The following AHCYL2 variants were observed in gnomAD, a reference collection of about 807,000 sequenced individuals.
AHCYL2 encodes the protein adenosylhomocysteinase like 2.
AHCYL2 carries 28 observed loss-of-function variants against 81.4 expected under a neutral mutation model. That is an observed-to-expected ratio of 0.34 (90% confidence interval 0.25 to 0.47). The LOEUF is 0.47. Ranked by LOEUF, AHCYL2 falls within the 20% of genes least tolerant of loss-of-function variation. The pLI, the probability that AHCYL2 is intolerant of heterozygous loss-of-function variation, is 1.00. For synonymous variants in AHCYL2, 272 were observed against 290.2 expected, an observed-to-expected ratio of 0.94 and a Z score of 0.64; for missense variants, 551 against 785.1, an observed-to-expected ratio of 0.70 and a Z score of 3.56.
chr7:129,247,641 C>A (rs919151237), intron 1 of AHCYL2, among the ~76,000 whole-genome samples: 1 of 151,802 alleles, frequency 6.6e-6, no homozygotes, highest in Non-Finnish European at 1.5e-5. Context: ...CATTCTGTCA[C>A]CCAGTTTGGA....
chr7:129,306,769 G>A (rs1797457882), intron 1 of AHCYL2, among the ~76,000 whole-genome samples: 1 of 152,132 alleles, frequency 6.6e-6, no homozygotes. Flanking sequence ...GGACTTGGGT[G>A]TTGAGATCTG....
At chr7:129,402,582 A>G (rs1374055716) in intron 6 of AHCYL2, among the ~76,000 whole-genome samples, 1 of 152,186 alleles carries the variant, frequency 6.6e-6, no homozygotes, top group African/African-American at 2.4e-5. Context: ...CGTGCCTAAC[A>G]ATGTTCTAAG....
At chr7:129,253,226 A>T (rs1795301558) in intron 1 of AHCYL2, among the ~76,000 whole-genome samples, 1 of 151,942 alleles carries the variant, frequency 6.6e-6, no homozygotes. Flanking sequence ...AAGAAGGCAA[A>T]GGTGATAGGT....
Position 129,368,104 on chromosome 7 carries a change from A to G in AHCYL2, c.364-11534A>G. 9.9e-7 allele frequency: 1 copy of G among 1,012,428 alleles called. No homozygotes were observed. Among genetic ancestry groups the G allele is most frequent in the African/African-American group, 1.7e-5 (1 of 58,282 alleles). 62.7% of individuals were successfully genotyped at this position (1,012,428 alleles called of 1,614,324 possible). Reference sequence around the variant, plus strand: ...TCCTGAAGGGTGGGAGAGAATTCACAAGTGCCTCACACACAGGGAAAGAAG... The same window carrying G: ...TCCTGAAGGGTGGGAGAGAATTCACGAGTGCCTCACACACAGGGAAAGAAG... On this transcript the variant is annotated intron_variant, in intron 1 of 16. Coordinates refer to ENST00000325006, the MANE Select transcript of AHCYL2 (RefSeq NM_015328.4). The surrounding 1 kb of genome is among the most constrained non-coding windows in gnomAD (Gnocchi z 4.4).
chr7:129,225,033 A>G lies in AHCYL2; in HGVS notation c.-44A>G. The G allele has an allele frequency of 6.4e-7, 1 of 1,557,992 alleles. No homozygotes were observed. On this transcript the variant is annotated 5_prime_UTR_variant, in exon 1 of 17. Coordinates refer to ENST00000325006, the MANE Select transcript of AHCYL2 (RefSeq NM_015328.4). ...GAGGTGGGAGGCGGGGCCGACCAAG[A>G]GCAGGAGCTGGAGTCTGAGCCGGTG...
chr7:129,264,123 A>G (rs2694570), intron 1 of AHCYL2, among the ~76,000 whole-genome samples: 141,985 of 152,300 alleles, frequency 0.93, 67,005 homozygotes, highest in East Asian at 1. Context: ...CTGGCTTCAC[A>G]CCATTCTCCT....
At chr7:129,238,093 G>A (rs958115064) in intron 1 of AHCYL2, among the ~76,000 whole-genome samples, 4 of 152,126 alleles carry the variant, frequency 2.6e-5, no homozygotes, top group Non-Finnish European at 4.4e-5. Flanking sequence ...AATTTTTCCC[G>A]GGTTAGGTAG....
chr7:129,396,902 A>T (rs749040832), intron 4 of AHCYL2, among the ~76,000 whole-genome samples: 5 of 152,178 alleles, frequency 3.3e-5, no homozygotes, highest in Non-Finnish European at 7.4e-5. Context: ...GTAGCTTTGT[A>T]TGTTCTAAGC....
intron 11 of AHCYL2, chr7:129,410,496 A>G: frequency 3.0e-6 from 3 of 1,012,032 alleles, no homozygotes; most frequent in South Asian, 1.5e-5. Flanking sequence ...TGTTCCAGCT[A>G]CAGAGTTAAA....
intron 1 of AHCYL2, among the ~76,000 whole-genome samples, chr7:129,285,163 C>T (rs543765923): frequency 7.9e-5 from 12 of 152,212 alleles, no homozygotes; most frequent in Admixed American, 4.6e-4. Context: ...TGGCCTCCCT[C>T]GTGTATTTAT....
intron 1 of AHCYL2, among the ~76,000 whole-genome samples, chr7:129,239,937 C>G (rs562979415): frequency 1.3e-5 from 2 of 151,938 alleles, no homozygotes; most frequent in African/African-American, 4.8e-5. Context: ...GAGAACCCCA[C>G]GGCTGGCCGG....
intron 1 of AHCYL2, among the ~76,000 whole-genome samples, chr7:129,228,507 T>A (rs576923400): frequency 4.6e-5 from 7 of 152,308 alleles, no homozygotes; most frequent in African/African-American, 1.7e-4. Flanking sequence ...TTTTCATAAG[T>A]TGACATCAAG....
At chr7:129,270,509 C>A (rs1438644405) in intron 1 of AHCYL2, among the ~76,000 whole-genome samples, 1 of 152,126 alleles carries the variant, frequency 6.6e-6, no homozygotes, top group East Asian at 1.9e-4. Context: ...GATTCCTAGT[C>A]ATATGCCAGA....
At chr7:129,358,181 C>G (rs983460713) in intron 1 of AHCYL2, among the ~76,000 whole-genome samples, 2 of 151,972 alleles carry the variant, frequency 1.3e-5, no homozygotes, top group Non-Finnish European at 2.9e-5. Context: ...ATCACGAGGT[C>G]AGGAGATTGA....
intron 1 of AHCYL2, among the ~76,000 whole-genome samples, chr7:129,234,151 A>G (rs930615989): frequency 2.6e-5 from 4 of 152,116 alleles, no homozygotes; most frequent in Non-Finnish European, 5.9e-5. Flanking sequence ...CCTGAGCTCA[A>G]TAGAACCTCC....
At chr7:129,255,767 C>T (rs1222265177) in intron 1 of AHCYL2, among the ~76,000 whole-genome samples, 5 of 152,070 alleles carry the variant, frequency 3.3e-5, no homozygotes, top group African/African-American at 1.2e-4. Context: ...GAGTTCAAGA[C>T]CAGCCTGCCA....
At chr7:129,244,703 A>C (rs1377164144) in intron 1 of AHCYL2, among the ~76,000 whole-genome samples, 4 of 152,166 alleles carry the variant, frequency 2.6e-5, no homozygotes, top group Admixed American at 1.3e-4. Flanking sequence ...AAATACCATC[A>C]CACTGGGGGT....
chr7:129,339,916 C>CTTTTTTTTTTTTTTTTTT, intron 1 of AHCYL2, among the ~76,000 whole-genome samples: 1 of 104,544 alleles, frequency 9.6e-6, no homozygotes, highest in African/African-American at 4.0e-5. Flanking sequence ...TTCCTCTGCT[C>CTTTTTTTTTTTTTTTTTT]TTTTTTTTTT....
chr7:129,407,909 G>A (rs1015878902), intron 10 of AHCYL2, among the ~76,000 whole-genome samples: 11 of 152,204 alleles, frequency 7.2e-5, no homozygotes, highest in Admixed American at 5.9e-4. Context: ...CTTGACATTT[G>A]TATAGGTGTT....
Sources: allele counts gnomAD v4.1 joint callset (sites outside exome capture counted in the v4.1 genomes callset), GRCh38; gene constraint gnomAD v4.1.1; non-coding constraint Gnocchi (gnomAD v3.1); transcripts MANE v1.5; gene names NCBI Gene and HGNC (gene_info 2026-07-23, HGNC 2026-07-21).